Variants in PRUNE2 observed in about 807,000 individuals in gnomAD.
PRUNE2 encodes the protein prune homolog 2 with BCH domain.
Under a neutral mutation model 252.0 loss-of-function variants are expected in PRUNE2, and 164 were observed. That is an observed-to-expected ratio of 0.65 (90% CI 0.57 to 0.74). PRUNE2 has a LOEUF of 0.74. PRUNE2 is among the 30% of genes least tolerant of loss of function. The probability of loss-of-function intolerance (pLI) is 0.00; values close to 1 mark genes in which losing one functional copy is unlikely to be tolerated. For synonymous variants in PRUNE2, 1,292 were observed against 1,350.2 expected, an observed-to-expected ratio of 0.96 and a Z score of 0.94; for missense variants, 3,495 against 3,711.0, an observed-to-expected ratio of 0.94 and a Z score of 1.51.
chr9:76,704,975 T>C lies in PRUNE2; in HGVS notation c.7299A>G (p.Ala2433=), dbSNP rs750361486. 1.2e-6 allele frequency: 2 copies of C among 1,613,440 alleles called. No individual in the cohort carries two copies. Among genetic ancestry groups the C allele is most frequent in the African/African-American group, 1.3e-5 (1 of 74,932 alleles). The change falls in exon 8 of 19, where the codon GCA becomes GCG. Residue 2433 remains alanine (A), a synonymous_variant. Coordinates refer to ENST00000376718, the MANE Select transcript of PRUNE2 (RefSeq NM_015225.3). Reference sequence around the variant, plus strand: ...TTCCCTCACTTCTTCGATCAGGAAGTGCAGAAAGCACTATCTCTGCTGCTC... The same window carrying C: ...TTCCCTCACTTCTTCGATCAGGAAGCGCAGAAAGCACTATCTCTGCTGCTC... ...GCRAAEIVLS[A]LPDRRSEGNQ...
intron 6 of PRUNE2, chr9:76,737,811 G>A (rs1354679235): frequency 1.3e-5 from 2 of 152,162 alleles, no homozygotes; most frequent in African/African-American, 4.8e-5. Flanking sequence ...AACCAGCAGT[G>A]ATTCAATTCA....
At chr9:76,649,660 CT>C (rs773965449) in intron 11 of PRUNE2, among the ~76,000 whole-genome samples, 13 of 130,684 alleles carry the variant, frequency 9.9e-5, no homozygotes, top group Non-Finnish European at 2.2e-4. Flanking sequence ...GGCTTTTTGT[CT>C]CAGTAAATAT....
chr9:76,818,240 G>A (rs549532246), intron 6 of PRUNE2, among the ~76,000 whole-genome samples: 1 of 152,274 alleles, frequency 6.6e-6, no homozygotes, highest in East Asian at 1.9e-4. Flanking sequence ...CAAGCTCAAT[G>A]AGAAATCATA....
chr9:76,712,788 C>T (rs11145021), intron 7 of PRUNE2, among the ~76,000 whole-genome samples: 27,134 of 151,978 alleles, frequency 0.18, 2,840 homozygotes, highest in East Asian at 0.48. Context: ...CTTTCACATT[C>T]GGACTTGAGA....
At chr9:76,790,289 T>G (rs1232110469) in intron 6 of PRUNE2, among the ~76,000 whole-genome samples, 1 of 152,192 alleles carries the variant, frequency 6.6e-6, no homozygotes, top group African/African-American at 2.4e-5. Flanking sequence ...ATGGCCCAGT[T>G]TGTTGCAATA....
In PRUNE2 at chr9:76,713,795, C is replaced by T; in HGVS notation, c.757-74G>A. On this transcript the variant is annotated intron_variant, in intron 6 of 18. Transcript: ENST00000376718. ...CGGGGAGTTGTTCCACAAATTTGTC[C>T]AGTCTTATGATGTATTTAGGAGAGA... 6.5e-6 allele frequency: 7 copies of T among 1,077,120 alleles called. No homozygotes were observed. In the South Asian group the frequency reaches 9.4e-5, roughly 14 times the overall value. The allele number at this position is 1,077,120 out of a possible 1,614,324, so 66.7% of individuals were successfully genotyped here.
intron 6 of PRUNE2, among the ~76,000 whole-genome samples, chr9:76,806,955 G>A (rs1051126050): frequency 2.0e-5 from 3 of 151,644 alleles, no homozygotes; most frequent in South Asian, 2.1e-4. Flanking sequence ...ATCAGAAGCC[G>A]GTATGTGTCA....
intron 12 of PRUNE2, chr9:76,642,012 AAAAAAGAAAAG>A (rs1387381861): frequency 1.6e-5 from 22 of 1,374,906 alleles, no homozygotes; most frequent in East Asian, 1.0e-4. Flanking sequence ...AAAAAAAAAA[AAAAAAGAAAAG>A]AAAAAGAAAA....
At chr9:76,692,656 G>C (rs976662826) in intron 9 of PRUNE2, 1 of 154,518 alleles carries the variant, frequency 6.5e-6, no homozygotes, top group African/African-American at 2.4e-5. Flanking sequence ...TTCAGCGACT[G>C]GGAGAAAAAG....
Position 76,637,455 on chromosome 9 carries a change from C to A in PRUNE2, c.8926G>T (p.Gly2976Cys). The A allele has an allele frequency of 6.2e-7, 1 of 1,613,706 alleles. No individual in the cohort carries two copies. Among genetic ancestry groups the A allele is most frequent in the Non-Finnish European group, 8.5e-7 (1 of 1,179,788 alleles). Residue 2976 changes from glycine to cysteine, a missense_variant, in exon 14 of 19, where the codon GGC becomes TGC. Gly to Cys is a radical substitution (Grantham distance 159). Coordinates refer to ENST00000376718, the MANE Select transcript of PRUNE2 (RefSeq NM_015225.3). ...ATCTGGTAGCATTTCTTCATCCAGC[C>A]TAGCCCTGGCATCCTCCTTCTTGGG... ...ATPRRRMPGL[G>C]WMKKCYQMID...
chr9:76,722,679 T>A (rs1005879708), intron 6 of PRUNE2, among the ~76,000 whole-genome samples: 1 of 152,218 alleles, frequency 6.6e-6, no homozygotes, highest in African/African-American at 2.4e-5. Context: ...GTACTTTGCA[T>A]CATCTCATCT....
At chr9:76,768,341 C>T (rs1249881756) in intron 6 of PRUNE2, among the ~76,000 whole-genome samples, 9 of 152,058 alleles carry the variant, frequency 5.9e-5, no homozygotes, top group East Asian at 3.9e-4. Flanking sequence ...TACAGGCCTG[C>T]GCCACTGTGC....
At chr9:76,732,199 A>C (rs10781375) in intron 6 of PRUNE2, among the ~76,000 whole-genome samples, 28,471 of 152,106 alleles carry the variant, frequency 0.19, 3,155 homozygotes, top group East Asian at 0.49. Flanking sequence ...CTGTAGTCCC[A>C]GCTACTGGGG....
chr9:76,865,520 C>G (rs893037062), intron 1 of PRUNE2, among the ~76,000 whole-genome samples: 5 of 152,136 alleles, frequency 3.3e-5, no homozygotes, highest in African/African-American at 1.2e-4. Context: ...GATCCTCAGG[C>G]CTTTGTGTCC....
At chr9:76,663,701 A>C (rs1455422602) in intron 9 of PRUNE2, among the ~76,000 whole-genome samples, 1 of 152,134 alleles carries the variant, frequency 6.6e-6, no homozygotes, top group Non-Finnish European at 1.5e-5. Context: ...CATTTTTATC[A>C]TTTCAACCTC....
chr9:76,877,931 G>C (rs1188802840), intron 1 of PRUNE2, among the ~76,000 whole-genome samples: 1 of 152,222 alleles, frequency 6.6e-6, no homozygotes, highest in Non-Finnish European at 1.5e-5. Context: ...AAGCGGTAGA[G>C]ATGCGGAATC....
chr9:76,706,556 T>C lies in PRUNE2; in HGVS notation c.5718A>G (p.Gln1906=), dbSNP rs756933848. The C allele has an allele frequency of 6.2e-7, 1 of 1,613,950 alleles. No homozygotes were observed. The highest frequency in any genetic ancestry group is 1.1e-5 in the South Asian group (1 of 91,068). The change falls in exon 8 of 19, where the codon CAA becomes CAG. Residue 1906 remains glutamine (Q), a synonymous_variant. Coordinates refer to ENST00000376718, the MANE Select transcript of PRUNE2 (RefSeq NM_015225.3). ...GCTGCCTTGGTTGAATGTTCCAGAG[T>C]TGCTCATGGGAGTTCTTCCCATTAC... The part of the protein sequence containing the change: ...LEGNGKNSHE[Q]LWNIQPRQPD...
At chr9:76,841,037 G>A (rs2059362056) in intron 4 of PRUNE2, among the ~76,000 whole-genome samples, 1 of 151,928 alleles carries the variant, frequency 6.6e-6, no homozygotes, top group Admixed American at 6.6e-5. Flanking sequence ...AATAGGAACA[G>A]CTCCGGTCTG....
chr9:76,718,944 CT>C (rs751432046), intron 6 of PRUNE2, among the ~76,000 whole-genome samples: 6 of 152,112 alleles, frequency 3.9e-5, no homozygotes, highest in Non-Finnish European at 5.9e-5. Context: ...CCAGCAAATC[CT>C]ATTAACATTG....
Sources: allele counts gnomAD v4.1 joint callset (sites outside exome capture counted in the v4.1 genomes callset), GRCh38; gene constraint gnomAD v4.1.1; transcripts MANE v1.5; gene names NCBI Gene and HGNC (gene_info 2026-07-23, HGNC 2026-07-21).